Variants in GAPVD1 observed in about 807,000 individuals in gnomAD.
GAPVD1 encodes GTPase-activating protein and VPS9 domain-containing protein 1.
GAPVD1 carries 35 observed loss-of-function variants against 155.5 expected under a neutral mutation model. The observed-to-expected ratio is 0.23, with a 90% CI of 0.17 to 0.30. The LOEUF (loss-of-function observed/expected upper bound fraction) is 0.30. Ranked by LOEUF, GAPVD1 falls within the 10% of genes least tolerant of loss-of-function variation. The pLI is 1.00. For missense variants in GAPVD1, 1,429 were observed against 1,775.7 expected (o/e 0.80, Z 3.51); for synonymous variants, 636 against 619.7 (o/e 1.03, Z -0.39).
chr9:125,351,340 A>G (rs1849267886), intron 23 of GAPVD1, among the ~76,000 whole-genome samples: 1 of 152,152 alleles, frequency 6.6e-6, no homozygotes, highest in Admixed American at 6.5e-5. Context: ...ACACAGCCAA[A>G]CCATATCTTT....
rs1195079990 is a variant in GAPVD1, at chr9:125,306,217, G to A, written c.1116+1068G>A. Among the ~76,000 whole-genome samples, 5 of 151,964 alleles carry A rather than the reference G, an allele frequency of 3.3e-5. No homozygotes were observed. In the East Asian group the frequency reaches 9.7e-4, roughly 29 times the overall value. ...TCGCTGTTGTCACCCAGGCTGGAGT[G>A]CAGTGGCGTGATCTCGGCTCACTGT... On this transcript the variant is annotated intron_variant, in intron 6 of 27. Transcript: ENST00000297933.
intron 15 of GAPVD1, among the ~76,000 whole-genome samples, chr9:125,334,385 G>A (rs1846563758): frequency 6.6e-6 from 1 of 151,642 alleles, no homozygotes; most frequent in African/African-American, 2.4e-5. Flanking sequence ...TCTGTGTGAA[G>A]AAATAGGAAG....
intron 8 of GAPVD1, 135 bp downstream of exon 8, chr9:125,308,015 C>T (rs1842118245): frequency 1.5e-6 from 1 of 668,516 alleles, no homozygotes; most frequent in Non-Finnish European, 2.7e-6. Flanking sequence ...GATGGTATTT[C>T]AGTTTTTAGA....
At chr9:125,291,943 G>A (rs1838671917) in intron 2 of GAPVD1, among the ~76,000 whole-genome samples, 1 of 152,060 alleles carries the variant, frequency 6.6e-6, no homozygotes, top group African/African-American at 2.4e-5. Context: ...AAGAGGTGAT[G>A]TACAAAGCTA....
chr9:125,276,943 T>C (rs1835888949), intron 2 of GAPVD1, among the ~76,000 whole-genome samples: 2 of 152,100 alleles, frequency 1.3e-5, no homozygotes, highest in East Asian at 1.9e-4. Context: ...AATTTTTTTT[T>C]CGTAAATATG....
In GAPVD1 at chr9:125,349,147, G is replaced by A. The variant is rs147304953; in HGVS notation, c.3170-243G>A. On this transcript the variant is annotated intron_variant, in intron 20 of 27. Transcript: ENST00000297933. ...TTATTTTGCATTAGTTCATTGTTTTGCATTAGTATTGGGATAAGAAGTAAA... is the reference window on the plus strand; with the variant it reads ...TTATTTTGCATTAGTTCATTGTTTTACATTAGTATTGGGATAAGAAGTAAA... Among the ~76,000 whole-genome samples the A allele has an allele frequency of 5.3e-3, 809 of 152,282 alleles. 2 individuals are homozygous for A. Among genetic ancestry groups the A allele is most frequent in the Middle Eastern group, 0.027 (8 of 294 alleles).
chr9:125,321,017 C>T (rs909992629), intron 9 of GAPVD1, among the ~76,000 whole-genome samples: 2 of 152,224 alleles, frequency 1.3e-5, no homozygotes, highest in South Asian at 4.1e-4. Flanking sequence ...TCAACAATTA[C>T]ATGGCATACA....
At chr9:125,270,808 T>A (rs112618699) in intron 2 of GAPVD1, among the ~76,000 whole-genome samples, 1,648 of 152,078 alleles carry the variant, frequency 0.011, 20 homozygotes, top group African/African-American at 0.036. Flanking sequence ...CCAGGTGTAG[T>A]GGCACATGCC....
In GAPVD1 at chr9:125,346,940, A is replaced by T. The variant is rs760910539; in HGVS notation, c.3168A>T (p.Thr1056=). 6.2e-7 allele frequency: 1 copy of T among 1,612,392 alleles called. No homozygotes were observed. The change falls in exon 20 of 28, where the codon ACA becomes ACT. Residue 1056 remains threonine (T), a splice_region_variant and synonymous_variant. Coordinates refer to ENST00000297933, the MANE Select transcript of GAPVD1 (RefSeq NM_001282680.3). ...GAGCAATGGCAAACTATGAAAGTAC[A>T]GGTGATAATCATGACAGAGATTTGA... ...SDGAMANYES[T]EVMGDGESAH...
intron 19 of GAPVD1, among the ~76,000 whole-genome samples, chr9:125,343,762 T>C (rs879712142): frequency 6.6e-6 from 1 of 152,246 alleles, no homozygotes; most frequent in Non-Finnish European, 1.5e-5. Context: ...CCTTCCAGTC[T>C]GATTGGGAAG....
intron 13 of GAPVD1, 108 bp downstream of exon 13, chr9:125,330,326 T>G: frequency 1.4e-6 from 1 of 737,576 alleles, no homozygotes; most frequent in East Asian, 3.1e-5. Context: ...ACTTTTTTTT[T>G]TTTTTTAATG....
chr9:125,336,727 T>A (rs898784670), intron 15 of GAPVD1: 10 of 308,584 alleles, frequency 3.2e-5, no homozygotes, highest in Non-Finnish European at 4.8e-5. Flanking sequence ...GGTTTAGGTC[T>A]TCCGGCTTTG....
chr9:125,307,389 A>C (rs1554765906), intron 6 of GAPVD1, 24 bp from the exon 7 acceptor site: 1 of 1,528,714 alleles, frequency 6.5e-7, no homozygotes, highest in South Asian at 1.3e-5. Context: ...GAAATGTTTC[A>C]CTGTTTTTTT....
In GAPVD1 at chr9:125,332,645, G is replaced by C. The variant is rs1032436173; in HGVS notation, c.2428+16G>C. The C allele has an allele frequency of 6.2e-7, 1 of 1,601,988 alleles. No individual in the cohort carries two copies. On this transcript the variant is annotated intron_variant, in intron 15 of 27. Transcript: ENST00000297933. The stretch of plus-strand genomic sequence containing the variant: ...ATAACTCACGGTAAGAGGGGGAAAT[G>C]AGGATGACTTAAAAAATGACCACAT...
chr9:125,316,883 C>T (rs1165775673), intron 9 of GAPVD1, among the ~76,000 whole-genome samples: 2 of 152,190 alleles, frequency 1.3e-5, no homozygotes, highest in Non-Finnish European at 2.9e-5. Flanking sequence ...TCCTGTTTCT[C>T]CACATTCTCT....
In GAPVD1 at chr9:125,309,605, G is replaced by A. The variant is rs548793566; in HGVS notation, c.1441+1725G>A. On this transcript the variant is annotated intron_variant, in intron 8 of 27. Coordinates refer to ENST00000297933, the MANE Select transcript of GAPVD1 (RefSeq NM_001282680.3). The stretch of plus-strand genomic sequence containing the variant: ...CTGCCTCGGCCTCCCAAAGGGCTGG[G>A]ATTACAGGTGTGAGCCACCGTGCCC... 6.5e-4 allele frequency among the ~76,000 whole-genome samples: 99 copies of A among 152,276 alleles called. 2 individuals carry two copies. In the South Asian group the frequency reaches 0.013, roughly 21 times the overall value.
At chr9:125,281,314 A>C (rs1836753146) in intron 2 of GAPVD1, among the ~76,000 whole-genome samples, 1 of 152,136 alleles carries the variant, frequency 6.6e-6, no homozygotes, top group Non-Finnish European at 1.5e-5. Flanking sequence ...AGGTAGACTT[A>C]AATTTTTTTT....
At chr9:125,352,214 C>T (rs1849388854) in intron 23 of GAPVD1, among the ~76,000 whole-genome samples, 1 of 152,230 alleles carries the variant, frequency 6.6e-6, no homozygotes, top group African/African-American at 2.4e-5. Flanking sequence ...CTTCTCACAG[C>T]TCTACTAGGC....
At chr9:125,286,696 T>A (rs553847242) in intron 2 of GAPVD1, among the ~76,000 whole-genome samples, 1 of 152,238 alleles carries the variant, frequency 6.6e-6, no homozygotes, top group African/African-American at 2.4e-5. Context: ...TGGGGATACA[T>A]AGGCCTAAGA....
Sources: gnomAD v4.1 joint callset for allele counts (sites outside exome capture counted in the v4.1 genomes callset) on GRCh38, gnomAD v4.1.1 for gene constraint, MANE v1.5 for transcripts, NCBI Gene and HGNC (gene_info 2026-07-23, HGNC 2026-07-21) for gene names.